The following UMAD1 variants were observed in gnomAD, a reference collection of about 807,000 sequenced individuals.
UMAD1 encodes the protein UBAP1-MVB12-associated (UMA)-domain containing protein 1.
UMAD1 carries 8 observed loss-of-function variants against 6.1 expected under a neutral mutation model. That is an observed-to-expected ratio of 1.30 (90% CI 0.76 to 2.35). UMAD1 has a LOEUF of 2.35. Ranked by LOEUF, UMAD1 falls within the 30% of genes most tolerant of loss-of-function variation. UMAD1 has a pLI of 0.00. For missense variants in UMAD1, 130 were observed against 78.4 expected, an observed-to-expected ratio of 1.66 and a Z score of -2.49; for synonymous variants, 56 against 31.4, an observed-to-expected ratio of 1.78 and a Z score of -2.61.
At chr7:7,810,471 C>G (rs1783000807) in intron 3 of UMAD1, among the ~76,000 whole-genome samples, 1 of 151,792 alleles carries the variant, frequency 6.6e-6, no homozygotes, top group Admixed American at 6.6e-5. Flanking sequence ...GATGAGTTTT[C>G]AATAAAATAT....
chr7:7,720,237 A>G (rs956356071), intron 2 of UMAD1, among the ~76,000 whole-genome samples: 5 of 152,210 alleles, frequency 3.3e-5, no homozygotes, highest in Non-Finnish European at 7.3e-5. Context: ...TTAAAATATA[A>G]AAGTCACAAA....
chr7:7,749,789 A>G (rs1339082293), intron 2 of UMAD1, among the ~76,000 whole-genome samples: 1 of 152,206 alleles, frequency 6.6e-6, no homozygotes. Flanking sequence ...CATTTATTAC[A>G]CAGAAAACGT....
intron 2 of UMAD1, among the ~76,000 whole-genome samples, chr7:7,763,201 C>CT (rs1425027626): frequency 6.6e-6 from 1 of 151,936 alleles, no homozygotes; most frequent in Admixed American, 6.6e-5. Context: ...AATTGAAGTG[C>CT]TTTTTATTTA....
intron 2 of UMAD1, among the ~76,000 whole-genome samples, chr7:7,706,673 A>T (rs904381123): frequency 5.9e-5 from 9 of 152,178 alleles, no homozygotes; most frequent in African/African-American, 2.2e-4. Context: ...ACTTAGTACT[A>T]TTATTTCTAA....
intron 3 of UMAD1, among the ~76,000 whole-genome samples, chr7:7,816,965 A>G (rs1297720510): frequency 6.6e-6 from 1 of 152,192 alleles, no homozygotes; most frequent in African/African-American, 2.4e-5. Flanking sequence ...TGCCTGTAGG[A>G]TAAAATCCAG....
At chr7:7,745,410 G>C (rs182083647) in intron 2 of UMAD1, among the ~76,000 whole-genome samples, 14 of 152,124 alleles carry the variant, frequency 9.2e-5, no homozygotes, top group African/African-American at 3.4e-4. Flanking sequence ...AACTCCTTAC[G>C]GGGTGTGCCT....
chr7:7,852,759 C>T (rs967319617), intron 3 of UMAD1, among the ~76,000 whole-genome samples: 15 of 152,134 alleles, frequency 9.9e-5, no homozygotes, highest in Non-Finnish European at 1.9e-4. Context: ...GTAGAAGCCC[C>T]CCGAACCCTG....
intron 3 of UMAD1, among the ~76,000 whole-genome samples, chr7:7,850,330 C>A (rs942124763): frequency 3.9e-5 from 6 of 151,974 alleles, no homozygotes; most frequent in Non-Finnish European, 7.4e-5. Flanking sequence ...GAATTGAGAT[C>A]CCACAGCAAT....
chr7:7,701,075 G>C (rs1780450551), intron 2 of UMAD1, among the ~76,000 whole-genome samples: 1 of 152,094 alleles, frequency 6.6e-6, no homozygotes, highest in Non-Finnish European at 1.5e-5. Context: ...AGTCATACAA[G>C]TATAATTCAC....
chr7:7,702,033 A>C (rs923554740), intron 2 of UMAD1, among the ~76,000 whole-genome samples: 3 of 152,242 alleles, frequency 2.0e-5, no homozygotes, highest in African/African-American at 7.2e-5. Flanking sequence ...ATTGAAATTC[A>C]GATAGAGAAG....
intron 2 of UMAD1, chr7:7,685,779 A>G (rs1381580598): frequency 6.6e-6 from 1 of 152,208 alleles, no homozygotes; most frequent in Non-Finnish European, 1.5e-5. Flanking sequence ...AAAAGAAAAA[A>G]ATTTAAGTGT....
chr7:7,859,367 G>A (rs1195604592), intron 3 of UMAD1, among the ~76,000 whole-genome samples: 1 of 152,184 alleles, frequency 6.6e-6, no homozygotes, highest in African/African-American at 2.4e-5. Flanking sequence ...CAAGAACAGT[G>A]TGAAGTTAGG....
At chr7:7,746,511 C>T (rs1424835684) in intron 2 of UMAD1, among the ~76,000 whole-genome samples, 1 of 152,234 alleles carries the variant, frequency 6.6e-6, no homozygotes, top group Non-Finnish European at 1.5e-5. Flanking sequence ...TTTCATTTCA[C>T]ACACGTTGCT....
At chr7:7,824,143 A>C (rs1408656354) in intron 3 of UMAD1, among the ~76,000 whole-genome samples, 1 of 152,004 alleles carries the variant, frequency 6.6e-6, no homozygotes, top group Non-Finnish European at 1.5e-5. Flanking sequence ...GAGAGGAACC[A>C]CTTGTAACTT....
At position 7,792,190 on chromosome 7, in the gene UMAD1, T is replaced by C. The variant is rs141302262; in HGVS notation, c.83-9480T>C. Among the ~76,000 whole-genome samples the C allele has an allele frequency of 2.5e-4, 38 of 152,378 alleles. 1 individual carries two copies. The East Asian group carries it at 6.7e-3, about 27-fold the overall frequency. On this transcript the variant is annotated intron_variant, in intron 2 of 3. Transcript: ENST00000682710. ...GCTCTGTGCCATTTTAATTTGCTTT[T>C]CTTTAATTCACAGTCAGCTTGTACC...
chr7:7,732,780 A>G (rs979108250), intron 2 of UMAD1, among the ~76,000 whole-genome samples: 3 of 152,222 alleles, frequency 2.0e-5, no homozygotes, highest in Non-Finnish European at 4.4e-5. Context: ...TTAAAGTTGC[A>G]CAAGGATTTC....
chr7:7,780,143 C>T (rs565776642), intron 2 of UMAD1, among the ~76,000 whole-genome samples: 1 of 152,218 alleles, frequency 6.6e-6, no homozygotes, highest in South Asian at 2.1e-4. Flanking sequence ...GCTTTCAGAA[C>T]TTAAACAGGT....
rs34122358 is a variant in UMAD1, at chr7:7,642,307, A to ATT, written c.-64+1495_-64+1496dup. On this transcript the variant is annotated intron_variant, in intron 1 of 3. Coordinates refer to ENST00000682710, the MANE Select transcript of UMAD1 (RefSeq NM_001302348.2). ...ATACCACCACACCCAGCTAATAAAG[A>ATT]TTTTTTTTTTGTTGTTTGTTTTTTT... Among the ~76,000 whole-genome samples, 29 of 149,472 alleles carry ATT rather than the reference A, an allele frequency of 1.9e-4. No individual in the cohort carries two copies. The South Asian group carries it at 3.6e-3, about 19-fold the overall frequency.
chr7:7,831,876 G>A (rs1563243205), intron 3 of UMAD1, among the ~76,000 whole-genome samples: 1 of 152,150 alleles, frequency 6.6e-6, no homozygotes, highest in African/African-American at 2.4e-5. Context: ...TAAATGTAGT[G>A]TCATATTTTC....
Sources: allele counts gnomAD v4.1 joint callset (sites outside exome capture counted in the v4.1 genomes callset), GRCh38; gene constraint gnomAD v4.1.1; transcripts MANE v1.5; gene names NCBI Gene and HGNC (gene_info 2026-07-23, HGNC 2026-07-21).